The following TTBK1 variants were observed in gnomAD, a reference collection of about 807,000 sequenced individuals.
TTBK1 encodes the protein tau-tubulin kinase 1.
In TTBK1, 34 loss-of-function variants were observed where a neutral mutation model predicts 108.5. That is an observed-to-expected ratio of 0.31 (90% CI 0.24 to 0.42). The LOEUF is 0.42. Among genes scored for constraint, TTBK1 ranks in the 10% least tolerant of loss-of-function variants. The pLI is 1.00. For missense variants in TTBK1, 1,539 were observed against 1,826.0 expected, an observed-to-expected ratio of 0.84 and a Z score of 2.86; for synonymous variants, 809 against 795.1, an observed-to-expected ratio of 1.02 and a Z score of -0.29.
At position 43,252,739 on chromosome 6, in the gene TTBK1, C is replaced by A. The variant is rs371929791; in HGVS notation, c.109C>A (p.Leu37Met). The A allele has an allele frequency of 3.1e-6, 5 of 1,613,722 alleles. No homozygotes were observed. The African/African-American group carries it at 6.7e-5, about 22-fold the overall frequency. ...NYVVKDRWKV[L>M]KKIGGGGFGE... ...ACCCCCTATCCCCTCATCTTCATAG[C>A]TGAAAAAGATCGGGGGCGGGGGCTT... is the stretch of plus-strand genomic sequence containing the variant. The change falls in exon 3 of 15, where the codon CTG (leucine) becomes ATG (methionine). Residue 37 changes from leucine (L) to methionine (M), a missense_variant and splice_region_variant. This residue lies in a region of TTBK1 where 155 missense variants were observed against 348.5 expected (regional missense o/e 0.44). Transcript: ENST00000259750.
intron 1 of TTBK1, among the ~76,000 whole-genome samples, chr6:43,245,454 A>C (rs1477488030): frequency 1.3e-5 from 2 of 152,202 alleles, no homozygotes; most frequent in Admixed American, 1.3e-4. Flanking sequence ...ACACACATGC[A>C]TATCACACAC....
chr6:43,270,540 G>A (rs1777804742), intron 13 of TTBK1: 2 of 985,902 alleles, frequency 2.0e-6, no homozygotes, highest in Admixed American at 6.2e-5. Context: ...CGGGGGAGGA[G>A]CCCTGTGACC....
At chr6:43,245,612 C>T (rs928495866) in intron 1 of TTBK1, among the ~76,000 whole-genome samples, 1 of 152,210 alleles carries the variant, frequency 6.6e-6, no homozygotes, top group Non-Finnish European at 1.5e-5. Context: ...CAGACATACA[C>T]ACACGCACAC....
rs556235083 is a variant in TTBK1 at position 43,283,209 on chromosome 6, C to T, written c.2469C>T (p.Ala823=). The stretch of plus-strand genomic sequence containing the variant: ...AGTCCAGGGGCCGGGCCTCCATGGC[C>T]GATGGGGACCTGGAGCCTGAGGAGG... ...QKESRGRASM[A]DGDLEPEEGS... Residue 823 remains alanine, a synonymous_variant, in exon 14 of 15, where the codon GCC becomes GCT. Transcript: ENST00000259750. The surrounding 1 kb of genome is among the most constrained non-coding windows in gnomAD (Gnocchi z 8.1). 1.1e-4 allele frequency: 168 copies of T among 1,551,824 alleles called. No individual in the cohort carries two copies. The African/African-American group carries it at 1.9e-3, about 17-fold the overall frequency.
intron 6 of TTBK1, 137 bp downstream of exon 6, chr6:43,254,788 G>A (rs1777340575): frequency 2.5e-6 from 2 of 792,262 alleles, no homozygotes; most frequent in Non-Finnish European, 2.0e-6. Flanking sequence ...CCAGCTCTGG[G>A]TGTCCACACT....
In TTBK1 at chr6:43,259,708, T is replaced by C; in HGVS notation, c.1424+2T>C. 1 of 1,575,814 alleles carries C rather than the reference T, an allele frequency of 6.3e-7. No homozygotes were observed. The highest frequency in any genetic ancestry group is 8.6e-7 in the Non-Finnish European group (1 of 1,161,792). On this transcript the variant is annotated splice_donor_variant, in intron 12 of 14. Coordinates refer to ENST00000259750, the MANE Select transcript of TTBK1 (RefSeq NM_032538.3). LOFTEE classifies it high-confidence loss of function. This position sits in a 1 kb window ranked among gnomAD's most constrained non-coding sequence, Gnocchi z 6.7. Reference sequence around the variant, plus strand: ...GCGAGTGGAGCTACCTGAGAGGAGGTGGGTCTGGGGCCAGGGGCATGGTTG... The same window carrying C: ...GCGAGTGGAGCTACCTGAGAGGAGGCGGGTCTGGGGCCAGGGGCATGGTTG...
intron 2 of TTBK1, among the ~76,000 whole-genome samples, chr6:43,251,779 C>T (rs1777247728): frequency 6.6e-6 from 1 of 152,220 alleles, no homozygotes; most frequent in Admixed American, 6.5e-5. Context: ...TGCCCCCTGC[C>T]CTGGAGAGGA....
chr6:43,245,670 G>A (rs1008162393), intron 1 of TTBK1, among the ~76,000 whole-genome samples: 5 of 152,034 alleles, frequency 3.3e-5, no homozygotes, highest in Admixed American at 1.3e-4. Flanking sequence ...AACCCCCGCC[G>A]TTGGGAAACT....
At chr6:43,275,899 G>T (rs1472589051) in intron 13 of TTBK1, among the ~76,000 whole-genome samples, 3 of 152,194 alleles carry the variant, frequency 2.0e-5, no homozygotes, top group Non-Finnish European at 4.4e-5. Context: ...GTGGGGGAGG[G>T]GGCGGGGCTC....
intron 12 of TTBK1, among the ~76,000 whole-genome samples, chr6:43,262,536 G>A (rs891025367): frequency 5.3e-5 from 8 of 152,154 alleles, no homozygotes; most frequent in South Asian, 2.1e-4. Context: ...CCTGGAGCAC[G>A]GTAAGCATTC....
At position 43,285,574 on chromosome 6, in the gene TTBK1, G is replaced by A; in HGVS notation, c.*198G>A. The A allele has an allele frequency of 5.0e-6, 3 of 599,794 alleles. No homozygotes were observed. The highest frequency in any genetic ancestry group is 7.1e-6 in the Non-Finnish European group (3 of 422,880). 37.2% of individuals were successfully genotyped at this position (599,794 alleles called of 1,614,324 possible). The stretch of plus-strand genomic sequence containing the variant: ...AGGCCTTAGGGCCCGTGGGGGACGC[G>A]GCCCCGCGCCGCGGGGAGGGTCTGC... On this transcript the variant is annotated 3_prime_UTR_variant, in exon 15 of 15. Coordinates refer to ENST00000259750, the MANE Select transcript of TTBK1 (RefSeq NM_032538.3). The surrounding 1 kb of genome is among the most constrained non-coding windows in gnomAD (Gnocchi z 4.7).
Position 43,276,744 on chromosome 6 carries a change from G to A in TTBK1, c.1987-5983G>A, listed in dbSNP as rs145235280. Among the ~76,000 whole-genome samples the A allele has an allele frequency of 2.9e-4, 44 of 152,078 alleles. No homozygotes were observed. The highest frequency in any genetic ancestry group is 1.8e-3 in the Admixed American group (27 of 15,294). On this transcript the variant is annotated intron_variant, in intron 13 of 14. Transcript: ENST00000259750. The surrounding 1 kb of genome is among the most constrained non-coding windows in gnomAD (Gnocchi z 5.4). ...GTAGACCCTGGCTCTGAGGTCGCCGGGCTGGGCAGAGGGCAGGGGTTAGTC... is the reference window on the plus strand; with the variant it reads ...GTAGACCCTGGCTCTGAGGTCGCCGAGCTGGGCAGAGGGCAGGGGTTAGTC...
chr6:43,275,274 C>T (rs1044597323), intron 13 of TTBK1, among the ~76,000 whole-genome samples: 3 of 151,914 alleles, frequency 2.0e-5, no homozygotes, highest in African/African-American at 7.2e-5. Flanking sequence ...CCCCGCGGCG[C>T]CCTGCACCCC....
chr6:43,252,446 T>G (rs1280664559), intron 2 of TTBK1, among the ~76,000 whole-genome samples: 1 of 151,914 alleles, frequency 6.6e-6, no homozygotes, highest in Non-Finnish European at 1.5e-5. Context: ...GCCAACATGG[T>G]GAAACCCTGT....
intron 13 of TTBK1, among the ~76,000 whole-genome samples, chr6:43,264,440 T>G (rs905332390): frequency 2.6e-5 from 4 of 152,124 alleles, no homozygotes; most frequent in African/African-American, 9.7e-5. Context: ...CTAAGGGATG[T>G]CCACGTGTAG....
chr6:43,273,684 G>A lies in TTBK1; in HGVS notation c.1987-9043G>A, dbSNP rs1049054040. 2.6e-5 allele frequency among the ~76,000 whole-genome samples: 4 copies of A among 152,170 alleles called. No individual in the cohort carries two copies. Among genetic ancestry groups the A allele is most frequent in the African/African-American group, 9.7e-5 (4 of 41,432 alleles). On this transcript the variant is annotated intron_variant, in intron 13 of 14. Transcript: ENST00000259750. The surrounding 1 kb of genome is among the most constrained non-coding windows in gnomAD (Gnocchi z 4.2). ...AGGTTCAGGGACTGTGGTAAACAGG[G>A]GAACTCCCATGCCCATACCATCCTC...
Position 43,257,965 on chromosome 6 carries a change from G to C in TTBK1, c.1015G>C (p.Gly339Arg), listed in dbSNP as rs1305497022. Reference protein sequence around the residue: ...QNTRQTAAMFGVVNVTPVPGD... With the variant: ...QNTRQTAAMFRVVNVTPVPGD... The stretch of plus-strand genomic sequence containing the variant: ...CACCCGGCAGACGGCAGCCATGTTT[G>C]GGTGAGTCTCAGGAAGGCGAGCCAC... Residue 339 changes from glycine to arginine, a missense_variant and splice_region_variant, in exon 10 of 15, where the codon GGG becomes CGG. By Grantham distance (125) the Gly-to-Arg change is moderately radical (BLOSUM62 -2). Coordinates refer to ENST00000259750, the MANE Select transcript of TTBK1 (RefSeq NM_032538.3). This position sits in a 1 kb window ranked among gnomAD's most constrained non-coding sequence, Gnocchi z 4.5. 2 of 1,612,154 alleles carry C rather than the reference G, an allele frequency of 1.2e-6. No homozygotes were observed. Among genetic ancestry groups the C allele is most frequent in the Non-Finnish European group, 1.7e-6 (2 of 1,179,544 alleles).
chr6:43,247,750 C>T (rs1582471698), intron 2 of TTBK1, among the ~76,000 whole-genome samples: 1 of 152,090 alleles, frequency 6.6e-6, no homozygotes, highest in Non-Finnish European at 1.5e-5. Context: ...GGCCCGGGTG[C>T]AGGCGGGTCT....
At chr6:43,244,492 C>T (rs1271183180) in intron 1 of TTBK1, among the ~76,000 whole-genome samples, 6 of 152,160 alleles carry the variant, frequency 3.9e-5, no homozygotes, top group African/African-American at 1.2e-4. Flanking sequence ...ACCATGCGCC[C>T]ATGTGCACAT....
Sources: allele counts gnomAD v4.1 joint callset (sites outside exome capture counted in the v4.1 genomes callset), GRCh38; gene constraint gnomAD v4.1.1; regional missense constraint gnomAD v4.1.1; non-coding constraint Gnocchi (gnomAD v3.1); transcripts MANE v1.5; gene names NCBI Gene and HGNC (gene_info 2026-07-23, HGNC 2026-07-21).